PRDM16: variants seen among roughly 807,000 people sequenced by gnomAD.
The protein encoded by PRDM16 is PR/SET domain 16, also known as histone-lysine N-methyltransferase PRDM16.
In PRDM16, 23 loss-of-function variants were observed where a neutral mutation model predicts 110.6. That is an observed-to-expected ratio of 0.21 (90% CI 0.15 to 0.29). The LOEUF (loss-of-function observed/expected upper bound fraction) is 0.29, where lower values mean the gene tolerates loss of function less well. Among genes scored for constraint, PRDM16 ranks in the 10% least tolerant of loss-of-function variants. The pLI, the probability that PRDM16 is intolerant of heterozygous loss-of-function variation, is 1.00. For missense variants in PRDM16, 1,615 were observed against 1,794.3 expected, an observed-to-expected ratio of 0.90 and a Z score of 1.81; for synonymous variants, 799 against 781.8, an observed-to-expected ratio of 1.02 and a Z score of -0.37.
At chr1:3,306,938 C>A (rs902252866) in intron 3 of PRDM16, 4 of 152,224 alleles carry the variant, frequency 2.6e-5, no homozygotes, top group African/African-American at 9.6e-5. Flanking sequence ...AGCCCATGAC[C>A]TTTTGTGACT....
intron 2 of PRDM16, among the ~76,000 whole-genome samples, chr1:3,200,808 A>C (rs768302731): frequency 6.6e-6 from 1 of 152,132 alleles, no homozygotes; most frequent in Non-Finnish European, 1.5e-5. Flanking sequence ...TCCTGCACCT[A>C]ATCCCAGCCT....
Position 3,080,959 on chromosome 1 carries a change from G to C in PRDM16, c.37+11663G>C, listed in dbSNP as rs545377692. ...GTGTGTGTAGAGGGGGTGGCGGGGC[G>C]GGGGGGGTCTGCACATTCCGCCGAG... On this transcript the variant is annotated intron_variant, in intron 1 of 16. Coordinates refer to ENST00000270722, the MANE Select transcript of PRDM16 (RefSeq NM_022114.4). The surrounding 1 kb of genome is among the most constrained non-coding windows in gnomAD (Gnocchi z 5.2). 7.3e-5 allele frequency among the ~76,000 whole-genome samples: 11 copies of C among 151,080 alleles called. No individual in the cohort carries two copies. In the South Asian group the frequency reaches 1.1e-3, roughly 15 times the overall value.
At chr1:3,186,575 G>A (rs1046073805) in intron 2 of PRDM16, 101 bp downstream of exon 2, 5 of 739,590 alleles carry the variant, frequency 6.8e-6, no homozygotes, top group African/African-American at 3.6e-5. Context: ...GGCGGGAGGC[G>A]CGGCCAGAGA....
rs577392837 is a variant in PRDM16 at position 3,086,414 on chromosome 1, G to C, written c.37+17118G>C. On this transcript the variant is annotated intron_variant, in intron 1 of 16. Coordinates refer to ENST00000270722, the MANE Select transcript of PRDM16 (RefSeq NM_022114.4). ...TTCTTGGTCAGGAAAGCTGCCACGG[G>C]GCTGCTACCCACATGCCCACCCTCA... 1.5e-4 allele frequency among the ~76,000 whole-genome samples: 23 copies of C among 152,284 alleles called. 3 individuals are homozygous for C. The South Asian group carries it at 4.8e-3, about 32-fold the overall frequency.
chr1:3,301,093 G>A (rs1641198152), intron 3 of PRDM16, among the ~76,000 whole-genome samples: 1 of 152,182 alleles, frequency 6.6e-6, no homozygotes, highest in African/African-American at 2.4e-5. Flanking sequence ...CACTTTGGGA[G>A]GATAAAGAGG....
intron 1 of PRDM16, among the ~76,000 whole-genome samples, chr1:3,091,217 C>T (rs920346537): frequency 2.6e-5 from 4 of 152,212 alleles, no homozygotes; most frequent in Non-Finnish European, 5.9e-5. Context: ...TTCCATCAGA[C>T]GTGACCTGGC....
At chr1:3,291,960 G>A (rs774245199) in intron 3 of PRDM16, among the ~76,000 whole-genome samples, 5 of 152,346 alleles carry the variant, frequency 3.3e-5, no homozygotes, top group East Asian at 3.9e-4. Context: ...GCCTTCTCCC[G>A]GGCTCCTTTG....
At chr1:3,311,268 C>T (rs549046565) in intron 3 of PRDM16, among the ~76,000 whole-genome samples, 62 of 152,338 alleles carry the variant, frequency 4.1e-4, no homozygotes, top group African/African-American at 1.3e-3. Flanking sequence ...TTGTTGTTCC[C>T]GGTGGGCCTC....
Position 3,405,633 on chromosome 1 carries a change from G to C in PRDM16, c.1171G>C (p.Val391Leu). ...GCAGCACAAGCATATCCACAGCACG[G>C]TGAAGCCTTTCATATGTGAGTGGTC... is the stretch of plus-strand genomic sequence containing the variant. Reference protein sequence around the residue: ...LKQHKHIHSTVKPFICEVCHK... With the variant: ...LKQHKHIHSTLKPFICEVCHK... Residue 391 changes from valine (V) to leucine (L), a missense_variant, in exon 8 of 17, where the codon GTG becomes CTG. Coordinates refer to ENST00000270722, the MANE Select transcript of PRDM16 (RefSeq NM_022114.4). The C allele has an allele frequency of 1.3e-6, 2 of 1,597,784 alleles. No individual in the cohort carries two copies. The highest frequency in any genetic ancestry group is 8.5e-7 in the Non-Finnish European group (1 of 1,172,364).
intron 1 of PRDM16, among the ~76,000 whole-genome samples, chr1:3,152,131 C>T (rs1386344005): frequency 6.6e-6 from 1 of 152,138 alleles, no homozygotes; most frequent in Non-Finnish European, 1.5e-5. Flanking sequence ...GGCTGGAGTC[C>T]CTGCTGTGGC....
At chr1:3,230,987 G>A (rs938245400) in intron 2 of PRDM16, among the ~76,000 whole-genome samples, 1 of 152,106 alleles carries the variant, frequency 6.6e-6, no homozygotes, top group South Asian at 2.1e-4. Flanking sequence ...GCTCGTCCCC[G>A]CCTCTCTGCT....
chr1:3,266,414 G>C (rs1444831674), intron 3 of PRDM16, among the ~76,000 whole-genome samples: 1 of 152,160 alleles, frequency 6.6e-6, no homozygotes, highest in Non-Finnish European at 1.5e-5. Context: ...ACTTACCTCA[G>C]TAGACGCGAA....
At chr1:3,378,522 G>C (rs145990836) in intron 3 of PRDM16, among the ~76,000 whole-genome samples, 82 of 152,272 alleles carry the variant, frequency 5.4e-4, no homozygotes, top group African/African-American at 1.8e-3. Context: ...GGCAGCCTGG[G>C]CTGGGAGCTG....
At chr1:3,165,884 CACAGGGACTCACCTGGGCTCAGGG>C (rs1557496212) in intron 1 of PRDM16, among the ~76,000 whole-genome samples, 1,105 of 20,694 alleles carry the variant, frequency 0.053, 239 homozygotes, top group African/African-American at 0.36. Flanking sequence ...AGGGCTCAGG[CACAGGGACTCACCTGGGCTCAGGG>C]ACAGGGACTC....
rs1638962900 is a variant in PRDM16, at chr1:3,213,984, G to A, written c.387+27510G>A. Among the ~76,000 whole-genome samples the A allele has an allele frequency of 6.6e-6, 1 of 152,094 alleles. No homozygotes were observed. The highest frequency in any genetic ancestry group is 1.5e-5 in the Non-Finnish European group (1 of 68,032). On this transcript the variant is annotated intron_variant, in intron 2 of 16. Coordinates refer to ENST00000270722, the MANE Select transcript of PRDM16 (RefSeq NM_022114.4). The surrounding 1 kb of genome is among the most constrained non-coding windows in gnomAD (Gnocchi z 5.3). Reference sequence around the variant, plus strand: ...CCAGGCAAGCTGCGCCCAGACACATGTCGGAGTCTCGTGTGGCCACTGGGT... The same window carrying A: ...CCAGGCAAGCTGCGCCCAGACACATATCGGAGTCTCGTGTGGCCACTGGGT...
chr1:3,357,324 C>T (rs1304526023), intron 3 of PRDM16, among the ~76,000 whole-genome samples: 2 of 152,086 alleles, frequency 1.3e-5, no homozygotes, highest in Non-Finnish European at 2.9e-5. Flanking sequence ...GCTGGATACA[C>T]CTAGTGGCCT....
chr1:3,276,964 G>A (rs1256326515), intron 3 of PRDM16, among the ~76,000 whole-genome samples: 2 of 152,072 alleles, frequency 1.3e-5, no homozygotes, highest in South Asian at 2.1e-4. Context: ...TCTGCCTCTC[G>A]TCCCCGTGGT....
chr1:3,268,195 C>T (rs1272940323), intron 3 of PRDM16, among the ~76,000 whole-genome samples: 1 of 152,212 alleles, frequency 6.6e-6, no homozygotes, highest in African/African-American at 2.4e-5. Flanking sequence ...CGGTTGCAGT[C>T]GCCCCCGGCT....
chr1:3,335,371 T>C (rs1371367407), intron 3 of PRDM16, among the ~76,000 whole-genome samples: 2 of 152,182 alleles, frequency 1.3e-5, no homozygotes, highest in Non-Finnish European at 2.9e-5. Context: ...TAGCAGGACA[T>C]GGAAGCCCTT....
Sources: gnomAD v4.1 joint callset for allele counts (sites outside exome capture counted in the v4.1 genomes callset) on GRCh38, gnomAD v4.1.1 for gene constraint, Gnocchi (gnomAD v3.1) non-coding constraint, MANE v1.5 for transcripts, NCBI Gene and HGNC (gene_info 2026-07-23, HGNC 2026-07-21) for gene names.